Variants in NKAIN2 observed in about 807,000 individuals in gnomAD.
NKAIN2 encodes sodium/potassium transporting ATPase interacting 2, also known as sodium/potassium-transporting ATPase subunit beta-1-interacting protein 2.
Under a neutral mutation model 32.6 loss-of-function variants are expected in NKAIN2, and 14 were observed. The observed-to-expected ratio is 0.43, with a 90% CI of 0.28 to 0.67. NKAIN2 has a LOEUF of 0.67. Ranked by LOEUF, NKAIN2 falls within the 30% of genes least tolerant of loss-of-function variation. NKAIN2 has a pLI of 0.17. For synonymous variants in NKAIN2, 80 were observed against 87.2 expected (o/e 0.92, Z 0.46); for missense variants, 198 against 258.3 (o/e 0.77, Z 1.60).
chr6:123,967,887 CTG>C (rs1269347537), intron 1 of NKAIN2, among the ~76,000 whole-genome samples: 1 of 152,102 alleles, frequency 6.6e-6, no homozygotes, highest in African/African-American at 2.4e-5. Flanking sequence ...TGCTCGCTCT[CTG>C]TGGTATCTCA....
At chr6:124,200,199 G>T (rs113801089) in intron 1 of NKAIN2, among the ~76,000 whole-genome samples, 1 of 152,066 alleles carries the variant, frequency 6.6e-6, no homozygotes, top group Non-Finnish European at 1.5e-5. Flanking sequence ...CTCCTTATTC[G>T]CTTTCACTTG....
At chr6:124,051,513 G>A (rs1324353937) in intron 1 of NKAIN2, among the ~76,000 whole-genome samples, 4 of 151,888 alleles carry the variant, frequency 2.6e-5, no homozygotes, top group African/African-American at 9.7e-5. Flanking sequence ...CCATGTTGGT[G>A]TGCTGCACCC....
chr6:124,702,568 C>A (rs1422452910), intron 4 of NKAIN2, among the ~76,000 whole-genome samples: 1 of 151,876 alleles, frequency 6.6e-6, no homozygotes, highest in Non-Finnish European at 1.5e-5. Context: ...GCCAAGAAAA[C>A]GTAGAGGAGG....
At position 124,023,024 on chromosome 6, in the gene NKAIN2, T is replaced by G. The variant is rs191105657; in HGVS notation, c.54+218770T>G. On this transcript the variant is annotated intron_variant, in intron 1 of 6. Transcript: ENST00000368417. ...TTTTCGGTTAAAGATTATAGACATA[T>G]GTATACTTTATATATATATATGTAT... 3.3e-5 allele frequency among the ~76,000 whole-genome samples: 5 copies of G among 151,978 alleles called. No individual in the cohort carries two copies. In the East Asian group the frequency reaches 9.6e-4, roughly 29 times the overall value.
chr6:124,217,790 C>T (rs556099551), intron 1 of NKAIN2, among the ~76,000 whole-genome samples: 1 of 151,850 alleles, frequency 6.6e-6, no homozygotes, highest in East Asian at 1.9e-4. Context: ...TATATGTACA[C>T]ACACACACAT....
At chr6:123,989,230 C>A (rs1298410755) in intron 1 of NKAIN2, among the ~76,000 whole-genome samples, 3 of 152,064 alleles carry the variant, frequency 2.0e-5, no homozygotes, top group Non-Finnish European at 4.4e-5. Flanking sequence ...GTAACAGATC[C>A]ATTTTCAAAT....
At chr6:124,706,522 C>T (rs991976602) in intron 4 of NKAIN2, among the ~76,000 whole-genome samples, 1 of 151,966 alleles carries the variant, frequency 6.6e-6, no homozygotes, top group Non-Finnish European at 1.5e-5. Flanking sequence ...AAGATTGAAT[C>T]AAGTCCAGGC....
At chr6:124,616,659 T>C (rs867496111) in intron 3 of NKAIN2, among the ~76,000 whole-genome samples, 11 of 151,434 alleles carry the variant, frequency 7.3e-5, no homozygotes, top group Non-Finnish European at 1.6e-4. Flanking sequence ...AGAGACGGGG[T>C]TTCACCCTGT....
chr6:123,891,607 G>C (rs990987109), intron 1 of NKAIN2, among the ~76,000 whole-genome samples: 3 of 152,152 alleles, frequency 2.0e-5, no homozygotes, highest in Admixed American at 2.0e-4. Context: ...GGTCTCTTTA[G>C]CTGTGTAAAG....
At chr6:124,452,984 G>A (rs1776168646) in intron 3 of NKAIN2, among the ~76,000 whole-genome samples, 2 of 151,958 alleles carry the variant, frequency 1.3e-5, no homozygotes, top group African/African-American at 2.4e-5. Flanking sequence ...TGAATATAAA[G>A]CACATAGTTT....
chr6:124,628,540 C>CTTA (rs1783444581), intron 3 of NKAIN2, among the ~76,000 whole-genome samples: 1 of 151,672 alleles, frequency 6.6e-6, no homozygotes, highest in Non-Finnish European at 1.5e-5. Context: ...TGATATACAA[C>CTTA]TTATTTTATC....
intron 4 of NKAIN2, among the ~76,000 whole-genome samples, chr6:124,755,362 G>A (rs1335121564): frequency 6.6e-6 from 1 of 152,116 alleles, no homozygotes; most frequent in African/African-American, 2.4e-5. Context: ...CACGTTGAGG[G>A]TGGGTCTTCC....
At chr6:124,536,641 T>C (rs902074041) in intron 3 of NKAIN2, among the ~76,000 whole-genome samples, 1 of 152,166 alleles carries the variant, frequency 6.6e-6, no homozygotes, top group African/African-American at 2.4e-5. Flanking sequence ...ATCGTAAGGA[T>C]GCAGGGGTGT....
At chr6:124,163,053 A>G (rs1182702629) in intron 1 of NKAIN2, among the ~76,000 whole-genome samples, 1 of 152,068 alleles carries the variant, frequency 6.6e-6, no homozygotes, top group African/African-American at 2.4e-5. Context: ...ATATTTATAC[A>G]TCAAATTATG....
chr6:124,099,203 TTATC>T (rs1415348023), intron 1 of NKAIN2, among the ~76,000 whole-genome samples: 4 of 152,272 alleles, frequency 2.6e-5, no homozygotes, highest in East Asian at 3.9e-4. Context: ...AATTGGTTGA[TTATC>T]TAATATATGG....
chr6:124,770,264 T>C lies in NKAIN2; in HGVS notation c.475-21075T>C, dbSNP rs73770554. 2.4e-3 allele frequency among the ~76,000 whole-genome samples: 360 copies of C among 152,330 alleles called. 2 individuals carry two copies. The highest frequency in any genetic ancestry group is 8.1e-3 in the African/African-American group (338 of 41,590). ...TTCCTAGATGCAACTCCAGCCCTTT[T>C]CCTACTGGACTTGGCTTCCCTCATG... On this transcript the variant is annotated intron_variant, in intron 4 of 6. Transcript: ENST00000368417.
intron 3 of NKAIN2, among the ~76,000 whole-genome samples, chr6:124,485,401 C>T (rs1777611641): frequency 6.6e-6 from 1 of 152,098 alleles, no homozygotes; most frequent in Non-Finnish European, 1.5e-5. Context: ...TCACCTTCCT[C>T]CTCTTCCTTC....
chr6:124,379,509 C>A (rs1800166699), intron 3 of NKAIN2, among the ~76,000 whole-genome samples: 1 of 151,944 alleles, frequency 6.6e-6, no homozygotes, highest in Non-Finnish European at 1.5e-5. Context: ...CAAGTGCTTT[C>A]TTTTTTTCTG....
At chr6:124,168,956 T>C (rs1011099269) in intron 1 of NKAIN2, among the ~76,000 whole-genome samples, 1 of 152,150 alleles carries the variant, frequency 6.6e-6, no homozygotes, top group African/African-American at 2.4e-5. Flanking sequence ...TTGTCAAATA[T>C]TTGCGTATAT....
Sources: allele counts gnomAD v4.1 joint callset (sites outside exome capture counted in the v4.1 genomes callset), GRCh38; gene constraint gnomAD v4.1.1; transcripts MANE v1.5; gene names NCBI Gene and HGNC (gene_info 2026-07-23, HGNC 2026-07-21).